The following AKAP6 variants were observed in gnomAD, a reference collection of about 807,000 sequenced individuals.
AKAP6 encodes the protein A-kinase anchor protein 6.
Under a neutral mutation model 188.5 loss-of-function variants are expected in AKAP6, and 58 were observed. The ratio of observed to expected loss-of-function variants is 0.31; its 90% CI spans 0.25 to 0.38. The LOEUF (loss-of-function observed/expected upper bound fraction) is 0.38. Ranked by LOEUF, AKAP6 falls within the 10% of genes least tolerant of loss-of-function variation. The pLI, the probability that AKAP6 is intolerant of heterozygous loss-of-function variation, is 1.00. For synonymous variants in AKAP6, 989 were observed against 998.6 expected, an observed-to-expected ratio of 0.99 and a Z score of 0.18; for missense variants, 2,710 against 2,740.0, an observed-to-expected ratio of 0.99 and a Z score of 0.24.
At chr14:32,442,554 A>G (rs1890613257) in intron 2 of AKAP6, 1 of 152,116 alleles carries the variant, frequency 6.6e-6, no homozygotes, top group Non-Finnish European at 1.5e-5. Context: ...GAGCAGGTCA[A>G]AACTCCCATG....
At chr14:32,689,438 C>T (rs547429909) in intron 8 of AKAP6, among the ~76,000 whole-genome samples, 67 of 152,210 alleles carry the variant, frequency 4.4e-4, no homozygotes, top group African/African-American at 1.6e-3. Context: ...GACCTGTTCA[C>T]ATGTACGTAG....
chr14:32,763,091 ACTC>A (rs1362886445), intron 11 of AKAP6, among the ~76,000 whole-genome samples: 1 of 152,018 alleles, frequency 6.6e-6, no homozygotes, highest in African/African-American at 2.4e-5. Flanking sequence ...ACACTACCCA[ACTC>A]CTCTTCAAGA....
At chr14:32,369,917 G>A (rs944587311) in intron 1 of AKAP6, among the ~76,000 whole-genome samples, 3 of 152,174 alleles carry the variant, frequency 2.0e-5, no homozygotes, top group Non-Finnish European at 4.4e-5. Context: ...TGTAATCCCA[G>A]CTACTCAGGA....
intron 11 of AKAP6, among the ~76,000 whole-genome samples, chr14:32,757,627 AC>A: frequency 6.6e-6 from 1 of 152,184 alleles, no homozygotes; most frequent in East Asian, 1.9e-4. Context: ...TTTATTCAAC[AC>A]CCTTCTCTTC....
intron 11 of AKAP6, among the ~76,000 whole-genome samples, chr14:32,750,414 A>G (rs1285396824): frequency 6.6e-6 from 1 of 152,048 alleles, no homozygotes; most frequent in Non-Finnish European, 1.5e-5. Flanking sequence ...TTCTTTTGAC[A>G]TTTGCATTAT....
intron 9 of AKAP6, among the ~76,000 whole-genome samples, chr14:32,709,339 A>G (rs1309770433): frequency 6.6e-6 from 1 of 151,868 alleles, no homozygotes; most frequent in East Asian, 1.9e-4. Context: ...TCTGAAGTGA[A>G]TAATTGTGTT....
intron 12 of AKAP6, among the ~76,000 whole-genome samples, chr14:32,790,482 G>A (rs1376427827): frequency 6.6e-6 from 1 of 152,134 alleles, no homozygotes; most frequent in Non-Finnish European, 1.5e-5. Context: ...GAAAGGCCAG[G>A]TCACTTACAA....
intron 2 of AKAP6, among the ~76,000 whole-genome samples, chr14:32,502,610 C>T (rs766284233): frequency 7.2e-5 from 11 of 151,794 alleles, no homozygotes; most frequent in Admixed American, 3.3e-4. Context: ...TGTAGGTACT[C>T]ATTCTTCTCT....
At chr14:32,519,491 T>C (rs1881705252) in intron 2 of AKAP6, among the ~76,000 whole-genome samples, 1 of 151,900 alleles carries the variant, frequency 6.6e-6, no homozygotes, top group Non-Finnish European at 1.5e-5. Context: ...AATAAAGGGA[T>C]GGAGGAAGAC....
intron 12 of AKAP6, among the ~76,000 whole-genome samples, chr14:32,805,376 C>T (rs1207345829): frequency 6.6e-6 from 1 of 152,152 alleles, no homozygotes; most frequent in African/African-American, 2.4e-5. Flanking sequence ...TACCATGATT[C>T]ATTTAGATGT....
chr14:32,421,359 A>G (rs1010131084), intron 1 of AKAP6, among the ~76,000 whole-genome samples: 1 of 96,642 alleles, frequency 1.0e-5, no homozygotes. Context: ...CCTAATTTAT[A>G]TCTATTTACC....
intron 11 of AKAP6, among the ~76,000 whole-genome samples, chr14:32,740,150 C>G (rs2031610865): frequency 6.6e-6 from 1 of 151,930 alleles, no homozygotes. Context: ...TTTTCATATG[C>G]CTGTTTGCCA....
chr14:32,817,509 G>A (rs1202774418), intron 12 of AKAP6, among the ~76,000 whole-genome samples: 2 of 151,844 alleles, frequency 1.3e-5, no homozygotes, highest in Admixed American at 1.3e-4. Context: ...GTGTGTGTGT[G>A]TGTGTGTGTG....
intron 1 of AKAP6, among the ~76,000 whole-genome samples, chr14:32,372,541 G>T (rs555736137): frequency 6.9e-6 from 1 of 145,096 alleles, no homozygotes; most frequent in African/African-American, 2.6e-5. Context: ...CTTCTTTATA[G>T]CAATATAATT....
chr14:32,597,305 C>G (rs1237543217), intron 5 of AKAP6, among the ~76,000 whole-genome samples: 1 of 152,098 alleles, frequency 6.6e-6, no homozygotes, highest in Non-Finnish European at 1.5e-5. Flanking sequence ...TGTAAGTAAA[C>G]AGTGAATCAA....
At position 32,831,869 on chromosome 14, in the gene AKAP6, C is replaced by T. The variant is rs2034823817; in HGVS notation, c.*2064C>T. ...CTTTTAAAAAGTTAACTTGGAGCTT[C>T]TGTATGTAAAATGCTAGGTAATAAG... On this transcript the variant is annotated 3_prime_UTR_variant, in exon 14 of 14. Coordinates refer to ENST00000280979, the MANE Select transcript of AKAP6 (RefSeq NM_004274.5). The T allele has an allele frequency of 6.6e-6, 1 of 152,154 alleles. No homozygotes were observed. Among genetic ancestry groups the T allele is most frequent in the Admixed American group, 6.5e-5 (1 of 15,272 alleles). The allele number at this position is 152,154 out of a possible 1,614,324, so 9.4% of individuals were successfully genotyped here.
chr14:32,507,551 T>C (rs1007273848), intron 2 of AKAP6, among the ~76,000 whole-genome samples: 1 of 152,102 alleles, frequency 6.6e-6, no homozygotes, highest in African/African-American at 2.4e-5. Context: ...GTTTTTTTTT[T>C]TTCTTCCATT....
intron 2 of AKAP6, among the ~76,000 whole-genome samples, chr14:32,497,417 G>GATTTTCCAAA (rs903285512): frequency 2.3e-4 from 35 of 152,084 alleles, no homozygotes; most frequent in Non-Finnish European, 4.0e-4. Flanking sequence ...AGTATTTGGG[G>GATTTTCCAAA]ATTTTCCAAA....
intron 7 of AKAP6, among the ~76,000 whole-genome samples, chr14:32,666,248 A>T (rs1161237618): frequency 6.6e-6 from 1 of 151,952 alleles, no homozygotes; most frequent in Non-Finnish European, 1.5e-5. Flanking sequence ...CTTCATCTTT[A>T]TATGTTTGTC....
Sources: allele counts gnomAD v4.1 joint callset (sites outside exome capture counted in the v4.1 genomes callset), GRCh38; gene constraint gnomAD v4.1.1; transcripts MANE v1.5; gene names NCBI Gene and HGNC (gene_info 2026-07-23, HGNC 2026-07-21).